SLC4A4: variants seen among roughly 807,000 people sequenced by gnomAD.
SLC4A4 encodes the protein solute carrier family 4 member 4, also known as electrogenic sodium bicarbonate cotransporter 1.
In SLC4A4, 27 loss-of-function variants were observed where a neutral mutation model predicts 111.5. The observed-to-expected ratio is 0.24, with a 90% CI of 0.18 to 0.33. The LOEUF (loss-of-function observed/expected upper bound fraction) is 0.33, where lower values mean the gene tolerates loss of function less well. Ranked by LOEUF, SLC4A4 falls within the 10% of genes least tolerant of loss-of-function variation. SLC4A4 has a pLI of 1.00. For missense variants in SLC4A4, 909 were observed against 1,315.5 expected (o/e 0.69, Z 4.78); for synonymous variants, 443 against 463.4 (o/e 0.96, Z 0.57).
chr4:71,168,648 A>C (rs1284643478), intron 2 of SLC4A4, among the ~76,000 whole-genome samples: 6 of 145,578 alleles, frequency 4.1e-5, no homozygotes, highest in African/African-American at 1.6e-4. Flanking sequence ...TCCTTCTACT[A>C]TTTCCATGAG....
Position 71,536,486 on chromosome 4 carries a change from A to ATGTG in SLC4A4, c.2442+2101_2442+2102insGTGT. Among the ~76,000 whole-genome samples, 2 of 68,046 alleles carry ATGTG rather than the reference A, an allele frequency of 2.9e-5. 1 individual carries two copies. The highest frequency in any genetic ancestry group is 5.6e-5 in the Non-Finnish European group (2 of 35,420). 44.6% of individuals were successfully genotyped at this position (68,046 alleles called of 152,430 possible). A position where few individuals can be genotyped will look rare whatever the true frequency, so the allele number is the denominator to read the frequency against. On this transcript the variant is annotated intron_variant, in intron 18 of 25. Coordinates refer to ENST00000264485, the MANE Select transcript of SLC4A4 (RefSeq NM_001098484.3). ...TATACATATATATATATATATATAT[A>ATGTG]TGTATATATTTATTTATTTATTTAT...
intron 2 of SLC4A4, among the ~76,000 whole-genome samples, chr4:71,108,129 CAAATT>C (rs1207499843): frequency 6.6e-6 from 1 of 152,156 alleles, no homozygotes. Flanking sequence ...TCCCAAAACA[CAAATT>C]AATAATTTCT....
At chr4:71,128,134 CA>C (rs1743607095) in intron 2 of SLC4A4, among the ~76,000 whole-genome samples, 1 of 152,196 alleles carries the variant, frequency 6.6e-6, no homozygotes, top group Non-Finnish European at 1.5e-5. Context: ...GGGCAATTAA[CA>C]AAAGAAAGAG....
intron 2 of SLC4A4, among the ~76,000 whole-genome samples, chr4:71,172,924 T>C (rs2148983201): frequency 6.6e-6 from 1 of 152,352 alleles, no homozygotes; most frequent in East Asian, 1.9e-4. Context: ...TGCCTGAAAC[T>C]GTGTATAGTA....
At chr4:71,385,171 T>TTTTA (rs1553902333) in intron 6 of SLC4A4, among the ~76,000 whole-genome samples, 41 of 40,020 alleles carry the variant, frequency 1.0e-3, no homozygotes, top group Non-Finnish European at 1.6e-3. Context: ...TAGGTTAGAT[T>TTTTA]TATATATATA....
intron 17 of SLC4A4, among the ~76,000 whole-genome samples, chr4:71,533,442 G>C (rs1734122359): frequency 6.6e-6 from 1 of 152,086 alleles, no homozygotes; most frequent in Non-Finnish European, 1.5e-5. Flanking sequence ...AGCAAATATG[G>C]AGAAAATAAT....
chr4:71,175,255 TC>T (rs1745054518), intron 2 of SLC4A4, among the ~76,000 whole-genome samples: 2 of 152,168 alleles, frequency 1.3e-5, no homozygotes, highest in African/African-American at 4.8e-5. Context: ...GTCTACAGCT[TC>T]CAGCATGAGT....
chr4:71,366,962 AG>A (rs533846515), intron 6 of SLC4A4, among the ~76,000 whole-genome samples: 15 of 152,364 alleles, frequency 9.8e-5, no homozygotes, highest in African/African-American at 3.1e-4. Flanking sequence ...GGCTCCAGTC[AG>A]GCTTTGCTAA....
chr4:71,531,537 C>A (rs1733914722), intron 16 of SLC4A4, among the ~76,000 whole-genome samples: 1 of 152,056 alleles, frequency 6.6e-6, no homozygotes, highest in Admixed American at 6.6e-5. Flanking sequence ...CCCTCCCATG[C>A]TAGATTTTTG....
chr4:71,479,637 G>A (rs1728689280), intron 14 of SLC4A4, among the ~76,000 whole-genome samples: 1 of 151,638 alleles, frequency 6.6e-6, no homozygotes, highest in Non-Finnish European at 1.5e-5. Context: ...CTCTTTATGA[G>A]GTAGGTTTAA....
chr4:71,382,787 C>G (rs771699668), intron 6 of SLC4A4, among the ~76,000 whole-genome samples: 3 of 152,156 alleles, frequency 2.0e-5, no homozygotes, highest in Non-Finnish European at 2.9e-5. Flanking sequence ...TCCAGAGAAC[C>G]CACCTTGTGG....
chr4:71,231,239 T>C (rs1273503125), intron 1 of SLC4A4, among the ~76,000 whole-genome samples: 1 of 152,202 alleles, frequency 6.6e-6, no homozygotes, highest in Non-Finnish European at 1.5e-5. Flanking sequence ...GCTGACTGGC[T>C]GAGTGGCAGC....
chr4:71,072,645 A>G (rs1197174977), intron 1 of SLC4A4, among the ~76,000 whole-genome samples: 2 of 151,952 alleles, frequency 1.3e-5, no homozygotes, highest in African/African-American at 4.8e-5. Context: ...TTGGGATTAC[A>G]TTACAGTTAT....
intron 6 of SLC4A4, among the ~76,000 whole-genome samples, chr4:71,383,035 C>G (rs572689892): frequency 1.4e-4 from 21 of 152,274 alleles, no homozygotes; most frequent in African/African-American, 4.3e-4. Context: ...ACTAGTATAA[C>G]TAGGCCCAGT....
At chr4:71,154,204 C>T (rs892355467) in intron 2 of SLC4A4, among the ~76,000 whole-genome samples, 11 of 152,074 alleles carry the variant, frequency 7.2e-5, no homozygotes, top group Non-Finnish European at 1.6e-4. Flanking sequence ...TTTCTATCTT[C>T]CTGGAAATGA....
At chr4:71,501,155 A>G (rs1044781113) in intron 16 of SLC4A4, among the ~76,000 whole-genome samples, 2 of 152,118 alleles carry the variant, frequency 1.3e-5, no homozygotes, top group Admixed American at 6.5e-5. Context: ...TAATTTTTGA[A>G]GTATAGCACA....
intron 3 of SLC4A4, among the ~76,000 whole-genome samples, chr4:71,267,289 G>A (rs749893257): frequency 1.1e-4 from 17 of 152,078 alleles, no homozygotes; most frequent in Non-Finnish European, 1.5e-4. Context: ...AGGTAGGGAG[G>A]TTAGGAAAGG....
intron 2 of SLC4A4, among the ~76,000 whole-genome samples, chr4:71,136,754 G>T (rs1743857809): frequency 6.6e-6 from 1 of 152,148 alleles, no homozygotes; most frequent in Non-Finnish European, 1.5e-5. Context: ...TGTTAGGTGG[G>T]CTAAATGAGA....
chr4:71,465,742 G>A (rs1176738558), intron 12 of SLC4A4, among the ~76,000 whole-genome samples: 2 of 151,862 alleles, frequency 1.3e-5, no homozygotes, highest in Non-Finnish European at 2.9e-5. Context: ...ATGATGGGTT[G>A]ATTTCCAGAG....
Sources: gnomAD v4.1 joint callset for allele counts (sites outside exome capture counted in the v4.1 genomes callset) on GRCh38, gnomAD v4.1.1 for gene constraint, MANE v1.5 for transcripts, NCBI Gene and HGNC (gene_info 2026-07-23, HGNC 2026-07-21) for gene names.